SPOCK1: variants seen among roughly 807,000 people sequenced by gnomAD.
SPOCK1 encodes the protein SPARC (osteonectin), cwcv and kazal like domains proteoglycan 1, also known as testican-1.
SPOCK1 carries 23 observed loss-of-function variants against 55.3 expected under a neutral mutation model. The ratio of observed to expected loss-of-function variants is 0.42; its 90% CI spans 0.30 to 0.59. SPOCK1 has a LOEUF of 0.59. SPOCK1 is among the 20% of genes least tolerant of loss of function. The pLI is 0.22. For synonymous variants in SPOCK1, 226 were observed against 221.0 expected, an observed-to-expected ratio of 1.02 and a Z score of -0.20; for missense variants, 499 against 552.5, an observed-to-expected ratio of 0.90 and a Z score of 0.97.
chr5:137,117,850 G>T (rs1325490834), intron 4 of SPOCK1, among the ~76,000 whole-genome samples: 1 of 152,204 alleles, frequency 6.6e-6, no homozygotes. Context: ...TTCCAAAGCT[G>T]CATGAGGGCC....
intron 2 of SPOCK1, among the ~76,000 whole-genome samples, chr5:137,369,328 G>A (rs375866289): frequency 1.1e-4 from 16 of 152,126 alleles, no homozygotes; most frequent in East Asian, 9.6e-4. Flanking sequence ...TTTCCATCCC[G>A]GGCTGTCATA....
rs963948946 is a variant in SPOCK1, at chr5:137,233,722, T to C, written c.232+33288A>G. 1.3e-4 allele frequency among the ~76,000 whole-genome samples: 13 copies of C among 99,896 alleles called. No homozygotes were observed. In the South Asian group the frequency reaches 5.0e-3, roughly 39 times the overall value. The allele number at this position is 99,896 out of a possible 152,430, so 65.5% of individuals were successfully genotyped here. A position where few individuals can be genotyped will look rare whatever the true frequency, so the allele number is the denominator to read the frequency against. ...AGTATGAGGATATGCACTTTTTTTT[T>C]TTTTTTTTTTTTTTTTGGTTATTGA... On this transcript the variant is annotated intron_variant, in intron 3 of 10. Transcript: ENST00000394945.
Position 136,979,144 on chromosome 5 carries a change from G to C in SPOCK1, c.1129+188C>G, listed in dbSNP as rs868258803. On this transcript the variant is annotated intron_variant, in intron 10 of 10. Transcript: ENST00000394945. ...GTTCTGTCTCTCTTCTCTGGTCATA[G>C]TGAGTTCCTGCCACTTGCCAAGCTA... 6.6e-5 allele frequency among the ~76,000 whole-genome samples: 10 copies of C among 152,302 alleles called. No individual in the cohort carries two copies. The Middle Eastern group carries it at 0.01, about 155-fold the overall frequency.
At chr5:137,202,684 C>T (rs1755448165) in intron 3 of SPOCK1, among the ~76,000 whole-genome samples, 1 of 152,208 alleles carries the variant, frequency 6.6e-6, no homozygotes, top group East Asian at 1.9e-4. Flanking sequence ...ACAGCTCCTT[C>T]ACTTGAGGAA....
intron 4 of SPOCK1, among the ~76,000 whole-genome samples, chr5:137,137,482 A>G (rs969617618): frequency 6.6e-6 from 1 of 152,200 alleles, no homozygotes; most frequent in African/African-American, 2.4e-5. Flanking sequence ...TAAGAGGAAG[A>G]CAAGGAAGGC....
At chr5:137,491,582 T>C (rs1041462891) in intron 2 of SPOCK1, among the ~76,000 whole-genome samples, 4 of 152,120 alleles carry the variant, frequency 2.6e-5, no homozygotes, top group Admixed American at 6.6e-5. Context: ...CTATATACAA[T>C]GGTGTATCTT....
rs201477896 is a variant in SPOCK1, at chr5:136,977,769, ACT to A, written c.*883_*884del. ...TTTTCTCAATCAGAGGCTTTCAGTAACTCTGCTGATGCACAGAGAAGAGACTT... is the reference window on the plus strand; with the variant it reads ...TTTTCTCAATCAGAGGCTTTCAGTAACTGCTGATGCACAGAGAAGAGACTT... On this transcript the variant is annotated 3_prime_UTR_variant, in exon 11 of 11. Coordinates refer to ENST00000394945, the MANE Select transcript of SPOCK1 (RefSeq NM_004598.4). 1,500 of 398,880 alleles carry A rather than the reference ACT, an allele frequency of 3.8e-3. 67 individuals are homozygous for A. The East Asian group carries it at 0.053, about 14-fold the overall frequency. 24.7% of individuals were successfully genotyped at this position (398,880 alleles called of 1,614,324 possible).
intron 3 of SPOCK1, among the ~76,000 whole-genome samples, chr5:137,148,744 T>C (rs1195943110): frequency 1.3e-5 from 2 of 148,834 alleles, no homozygotes; most frequent in Admixed American, 1.3e-4. Context: ...ATTCTTAATT[T>C]ACCAACTGGT....
At chr5:137,136,942 GAGA>G in intron 4 of SPOCK1, among the ~76,000 whole-genome samples, 1 of 152,268 alleles carries the variant, frequency 6.6e-6, no homozygotes, top group East Asian at 1.9e-4. Flanking sequence ...CCTAATCAAG[GAGA>G]AGAATTCCAG....
At chr5:137,262,409 T>C (rs938295591) in intron 3 of SPOCK1, among the ~76,000 whole-genome samples, 3 of 152,166 alleles carry the variant, frequency 2.0e-5, no homozygotes, top group African/African-American at 7.2e-5. Flanking sequence ...TCACCTCAAC[T>C]AAAACTGACC....
chr5:137,128,590 G>A (rs1465862359), intron 4 of SPOCK1, among the ~76,000 whole-genome samples: 1 of 152,230 alleles, frequency 6.6e-6, no homozygotes, highest in African/African-American at 2.4e-5. Flanking sequence ...GGTGCAGGAA[G>A]CAGCTTGAGG....
At chr5:137,408,955 G>A (rs1202467649) in intron 2 of SPOCK1, among the ~76,000 whole-genome samples, 1 of 152,122 alleles carries the variant, frequency 6.6e-6, no homozygotes, top group Non-Finnish European at 1.5e-5. Flanking sequence ...TCAGCACTGT[G>A]CCTAGTGCTC....
rs993643238 is a variant in SPOCK1, at chr5:136,976,779, G to C, written c.*1875C>G. The C allele has an allele frequency of 6.6e-6, 1 of 152,132 alleles. No homozygotes were observed. The highest frequency in any genetic ancestry group is 1.5e-5 in the Non-Finnish European group (1 of 68,028). 9.4% of individuals were successfully genotyped at this position (152,132 alleles called of 1,614,324 possible). ...AGTACAAAACCTCAGGGTTATTTAC[G>C]AAGCCAAAGGACTTTGCTATATCAA... On this transcript the variant is annotated 3_prime_UTR_variant, in exon 11 of 11. Coordinates refer to ENST00000394945, the MANE Select transcript of SPOCK1 (RefSeq NM_004598.4).
intron 2 of SPOCK1, among the ~76,000 whole-genome samples, chr5:137,415,157 G>T (rs11242380): frequency 0.16 from 24,177 of 152,180 alleles, 2,189 homozygotes; most frequent in Admixed American, 0.27. Context: ...CAGAATAAAT[G>T]TGTAAATAGA....
chr5:137,381,693 C>T (rs1038405746), intron 2 of SPOCK1, among the ~76,000 whole-genome samples: 5 of 152,200 alleles, frequency 3.3e-5, no homozygotes, highest in Non-Finnish European at 7.3e-5. Context: ...GGCGCCATGT[C>T]CCAAGGCTGC....
intron 2 of SPOCK1, among the ~76,000 whole-genome samples, chr5:137,486,115 T>C (rs555171678): frequency 6.6e-6 from 1 of 152,350 alleles, no homozygotes; most frequent in East Asian, 1.9e-4. Flanking sequence ...AAACTCACCA[T>C]ACTTCAGCAT....
chr5:137,453,311 A>T (rs1377145525), intron 2 of SPOCK1, among the ~76,000 whole-genome samples: 2 of 152,208 alleles, frequency 1.3e-5, no homozygotes, highest in Non-Finnish European at 2.9e-5. Context: ...AAGCTGCTTC[A>T]TATACACCTC....
chr5:137,396,918 G>A (rs1010489911), intron 2 of SPOCK1, among the ~76,000 whole-genome samples: 1 of 152,044 alleles, frequency 6.6e-6, no homozygotes. Context: ...CTAAGAACTC[G>A]CTCTCCAAAG....
chr5:137,305,793 T>A (rs1346887538), intron 2 of SPOCK1, among the ~76,000 whole-genome samples: 1 of 152,246 alleles, frequency 6.6e-6, no homozygotes, highest in East Asian at 1.9e-4. Flanking sequence ...GCAGCCATGC[T>A]GTGAGGTTAA....
Sources: gnomAD v4.1 joint callset for allele counts (sites outside exome capture counted in the v4.1 genomes callset) on GRCh38, gnomAD v4.1.1 for gene constraint, MANE v1.5 for transcripts, NCBI Gene and HGNC (gene_info 2026-07-23, HGNC 2026-07-21) for gene names.